The following KDM4C variants were observed in gnomAD, a reference collection of about 807,000 sequenced individuals.
KDM4C encodes the protein lysine demethylase 4C.
A neutral mutation model predicts 129.3 loss-of-function variants in KDM4C; 81 were observed. The observed-to-expected ratio is 0.63, with a 90% CI of 0.52 to 0.75. The LOEUF (loss-of-function observed/expected upper bound fraction) is 0.75, where lower values mean the gene tolerates loss of function less well. Among genes scored for constraint, KDM4C ranks in the 30% least tolerant of loss-of-function variants. The probability of loss-of-function intolerance (pLI) is 0.00; values close to 1 mark genes in which losing one functional copy is unlikely to be tolerated. For missense variants in KDM4C, 1,457 were observed against 1,304.0 expected (o/e 1.12, Z -1.81); for synonymous variants, 573 against 456.1 (o/e 1.26, Z -3.26).
At position 7,071,389 on chromosome 9, in the gene KDM4C, A is replaced by G. The variant is rs185230567; in HGVS notation, c.2424+22189A>G. 8.5e-5 allele frequency among the ~76,000 whole-genome samples: 13 copies of G among 152,304 alleles called. No homozygotes were observed. In the East Asian group the frequency reaches 2.1e-3, roughly 25 times the overall value. ...GGATGAATCTCACTACCTGATTTCA[A>G]TGCTTATTATAAAGCTACAATTAGC... is the stretch of plus-strand genomic sequence containing the variant. On this transcript the variant is annotated intron_variant, in intron 17 of 21. Transcript: ENST00000381309.
At chr9:6,754,927 A>G (rs535936340), upstream of KDM4C, among the ~76,000 whole-genome samples, 1 of 151,144 alleles carries the variant, frequency 6.6e-6, no homozygotes, top group Admixed American at 6.6e-5. Context: ...TTGCTGCATT[A>G]TATATATTTT....
intron 4 of KDM4C, among the ~76,000 whole-genome samples, chr9:6,823,791 G>A (rs1833424593): frequency 6.6e-6 from 1 of 152,218 alleles, no homozygotes; most frequent in South Asian, 2.1e-4. Context: ...ATGTTGAAGA[G>A]ATTGGGACAT....
At chr9:6,883,198 G>A (rs1422046535) in intron 6 of KDM4C, among the ~76,000 whole-genome samples, 2 of 152,106 alleles carry the variant, frequency 1.3e-5, no homozygotes, top group South Asian at 2.1e-4. Flanking sequence ...TCTCAAAATG[G>A]TAAATATTAT....
At chr9:6,754,812 C>A (rs1291836916), upstream of KDM4C, among the ~76,000 whole-genome samples, 2 of 141,104 alleles carry the variant, frequency 1.4e-5, no homozygotes, top group Non-Finnish European at 3.0e-5. Flanking sequence ...GAAGTGGAGG[C>A]TGTATTGAGC....
intron 17 of KDM4C, among the ~76,000 whole-genome samples, chr9:7,064,501 G>C (rs1030046262): frequency 1.3e-5 from 2 of 152,130 alleles, no homozygotes; most frequent in African/African-American, 4.8e-5. Context: ...GAATTGATAC[G>C]AGGCAGGGTT....
At position 7,161,016 on chromosome 9, in the gene KDM4C, C is replaced by G. The variant is rs1433319784; in HGVS notation, c.2782-4222C>G. On this transcript the variant is annotated intron_variant, in intron 19 of 21. Transcript: ENST00000381309. ...TCAAGCTTCCCAGCCGCTTTGTTTACCTACTCAAGCCTCAGCAATGGCAGA... is the reference window on the plus strand; with the variant it reads ...TCAAGCTTCCCAGCCGCTTTGTTTAGCTACTCAAGCCTCAGCAATGGCAGA... Among the ~76,000 whole-genome samples, 4 of 152,176 alleles carry G rather than the reference C, an allele frequency of 2.6e-5. 1 individual carries two copies. Among genetic ancestry groups the G allele is most frequent in the Admixed American group, 2.6e-4 (4 of 15,272 alleles).
At chr9:6,896,743 C>T (rs1816520917) in intron 8 of KDM4C, among the ~76,000 whole-genome samples, 1 of 151,994 alleles carries the variant, frequency 6.6e-6, no homozygotes, top group African/African-American at 2.4e-5. Flanking sequence ...CTGCTGTGTG[C>T]CAGGCATCAT....
chr9:6,856,870 G>T (rs1258759758), intron 5 of KDM4C, among the ~76,000 whole-genome samples: 1 of 149,116 alleles, frequency 6.7e-6, no homozygotes, highest in African/African-American at 2.5e-5. Context: ...CCATTCTCCT[G>T]CCTCAGCCTC....
intron 18 of KDM4C, among the ~76,000 whole-genome samples, chr9:7,122,363 C>T (rs972677934): frequency 5.3e-5 from 8 of 152,114 alleles, no homozygotes; most frequent in African/African-American, 7.2e-5. Flanking sequence ...AAACCACCCC[C>T]GTGATCCAGT....
At chr9:6,925,643 C>G in intron 8 of KDM4C, 1 of 985,318 alleles carries the variant, frequency 1.0e-6, no homozygotes, top group Non-Finnish European at 1.2e-6. Flanking sequence ...AGCCCTTCAC[C>G]GTTTCAGAAA....
At chr9:6,724,080 G>A (rs904438847) in intron 1 of KDM4C, 1 of 152,150 alleles carries the variant, frequency 6.6e-6, no homozygotes, top group African/African-American at 2.4e-5. Flanking sequence ...GAGGAGAGGG[G>A]ATAATACTAC....
At chr9:7,077,259 A>G (rs1834030806) in intron 17 of KDM4C, 2 of 982,146 alleles carry the variant, frequency 2.0e-6, no homozygotes, top group South Asian at 4.7e-5. Context: ...TGCCATTTGC[A>G]TGGATCTTGG....
chr9:6,777,263 C>G (rs557716920), intron 1 of KDM4C, among the ~76,000 whole-genome samples: 1 of 152,348 alleles, frequency 6.6e-6, no homozygotes, highest in South Asian at 2.1e-4. Context: ...GCACCCAAAG[C>G]TCTCTACTCC....
At chr9:6,820,312 T>A (rs771470595) in intron 4 of KDM4C, among the ~76,000 whole-genome samples, 19 of 152,088 alleles carry the variant, frequency 1.2e-4, no homozygotes, top group Non-Finnish European at 2.9e-5. Context: ...GCTAGGTAAA[T>A]TGAAGGGTGA....
chr9:7,093,470 T>C (rs1039957695), intron 17 of KDM4C, among the ~76,000 whole-genome samples: 7 of 152,208 alleles, frequency 4.6e-5, no homozygotes, highest in Non-Finnish European at 7.3e-5. Flanking sequence ...ATTCATTTTA[T>C]CTCTGTTCAC....
chr9:7,093,232 C>A (rs191213042), intron 17 of KDM4C, among the ~76,000 whole-genome samples: 1 of 152,248 alleles, frequency 6.6e-6, no homozygotes, highest in Admixed American at 6.5e-5. Context: ...ACAGGAAACA[C>A]AGGAAAATGA....
chr9:6,750,444 A>G (rs1036663323), intron 1 of KDM4C, among the ~76,000 whole-genome samples: 28 of 151,914 alleles, frequency 1.8e-4, no homozygotes, highest in African/African-American at 6.5e-4. Context: ...GTCTCAAAAA[A>G]AAAAAAAAAG....
intron 18 of KDM4C, among the ~76,000 whole-genome samples, chr9:7,108,618 A>G (rs1837970694): frequency 6.6e-6 from 1 of 152,136 alleles, no homozygotes; most frequent in Admixed American, 6.5e-5. Context: ...CTCATGAGGC[A>G]TGGGCTTAGG....
intron 4 of KDM4C, among the ~76,000 whole-genome samples, chr9:6,842,746 C>T (rs185364204): frequency 1.2e-4 from 18 of 152,122 alleles, no homozygotes; most frequent in Non-Finnish European, 1.9e-4. Context: ...ATGGCTGTCT[C>T]CTTTAGACAG....
Sources: allele counts gnomAD v4.1 joint callset (sites outside exome capture counted in the v4.1 genomes callset), GRCh38; gene constraint gnomAD v4.1.1; transcripts MANE v1.5; gene names NCBI Gene and HGNC (gene_info 2026-07-23, HGNC 2026-07-21).